CCSER1: variants seen among roughly 807,000 people sequenced by gnomAD.
The protein encoded by CCSER1 is coiled-coil serine rich protein 1, also known as serine-rich coiled-coil domain-containing protein 1.
A neutral mutation model predicts 82.0 loss-of-function variants in CCSER1; 41 were observed. The ratio of observed to expected loss-of-function variants is 0.50; its 90% confidence interval spans 0.39 to 0.65. CCSER1 has a LOEUF of 0.65. Among genes scored for constraint, CCSER1 ranks in the 30% least tolerant of loss-of-function variants. CCSER1 has a pLI of 0.00. For missense variants in CCSER1, 1,119 were observed against 1,064.2 expected (o/e 1.05, Z -0.72); for synonymous variants, 414 against 383.9 (o/e 1.08, Z -0.92).
In CCSER1 at chr4:90,932,982, G is replaced by GAAAGAAAGAA. The variant is rs771267852; in HGVS notation, c.2172+9536_2172+9537insAAGAAAGAAA. Among the ~76,000 whole-genome samples the GAAAGAAAGAA allele has an allele frequency of 3.7e-4, 7 of 18,866 alleles. No homozygotes were observed. The East Asian group carries it at 5.5e-3, about 15-fold the overall frequency. 12.4% of individuals were successfully genotyped at this position (18,866 alleles called of 152,430 possible). On this transcript the variant is annotated intron_variant, in intron 9 of 10. Transcript: ENST00000509176. ...AGAAAGAAAGAAAGAAAGAAAGAAA[G>GAAAGAAAGAA]AGAAAGAAAGAAAGAAAGAAAGAAA...
At chr4:90,561,954 G>C (rs908629790) in intron 5 of CCSER1, among the ~76,000 whole-genome samples, 1 of 152,060 alleles carries the variant, frequency 6.6e-6, no homozygotes, top group African/African-American at 2.4e-5. Context: ...TTGGGAGGCT[G>C]AAGCGGGAAG....
At chr4:90,613,177 A>G (rs181455248) in intron 5 of CCSER1, among the ~76,000 whole-genome samples, 141 of 152,178 alleles carry the variant, frequency 9.3e-4, no homozygotes, top group African/African-American at 3.1e-3. Context: ...TGCTCACTTC[A>G]TGAAAAAAAG....
intron 3 of CCSER1, among the ~76,000 whole-genome samples, chr4:90,397,124 A>G (rs943564793): frequency 6.6e-6 from 1 of 152,232 alleles, no homozygotes; most frequent in African/African-American, 2.4e-5. Context: ...CCTCTACAGT[A>G]ACAAGAAAGT....
At chr4:91,239,378 A>G (rs1260545378) in intron 10 of CCSER1, among the ~76,000 whole-genome samples, 4 of 12,920 alleles carry the variant, frequency 3.1e-4, no homozygotes, top group Non-Finnish European at 6.6e-4. Flanking sequence ...CCACATTTGC[A>G]CATGTCATAT....
At chr4:90,837,317 AT>A (rs1161327059) in intron 8 of CCSER1, among the ~76,000 whole-genome samples, 1 of 151,994 alleles carries the variant, frequency 6.6e-6, no homozygotes, top group Non-Finnish European at 1.5e-5. Context: ...AAAGACTGAA[AT>A]TTTTTTTGAG....
intron 5 of CCSER1, among the ~76,000 whole-genome samples, chr4:90,577,238 C>T (rs548377097): frequency 6.6e-6 from 1 of 152,148 alleles, no homozygotes; most frequent in South Asian, 2.1e-4. Context: ...TACTTTTCTT[C>T]TCTTCTGCTA....
chr4:90,149,553 A>G (rs1726423295), intron 1 of CCSER1, among the ~76,000 whole-genome samples: 1 of 152,186 alleles, frequency 6.6e-6, no homozygotes, highest in African/African-American at 2.4e-5. Flanking sequence ...ACATTCAGTT[A>G]TACTTAAAAA....
chr4:90,605,372 A>T (rs895017532), intron 5 of CCSER1, among the ~76,000 whole-genome samples: 1 of 152,214 alleles, frequency 6.6e-6, no homozygotes, highest in Admixed American at 6.5e-5. Flanking sequence ...TATGTTTACA[A>T]GATGTTATAA....
rs377408919 is a variant in CCSER1 at position 91,575,087 on chromosome 4, AAAGAAAACC to A, written c.2218-23479_2218-23471del. ...TATATAGGGTCAACTAATCTTCAAC[AAAGAAAACC>A]AAGAATACACAATGAGGAAAGGACA... On this transcript the variant is annotated intron_variant, in intron 10 of 10. Coordinates refer to ENST00000509176, the MANE Select transcript of CCSER1 (RefSeq NM_001145065.2). 2.7e-3 allele frequency among the ~76,000 whole-genome samples: 411 copies of A among 152,112 alleles called. 1 individual carries two copies. Among genetic ancestry groups the A allele is most frequent in the African/African-American group, 9.5e-3 (393 of 41,558 alleles).
intron 9 of CCSER1, among the ~76,000 whole-genome samples, chr4:90,926,307 T>C (rs1279066077): frequency 6.6e-6 from 1 of 152,012 alleles, no homozygotes; most frequent in African/African-American, 2.4e-5. Flanking sequence ...TATGGATGTT[T>C]CTTATACTCT....
At chr4:90,876,915 G>C (rs1013710093) in intron 8 of CCSER1, among the ~76,000 whole-genome samples, 2 of 151,966 alleles carry the variant, frequency 1.3e-5, no homozygotes, top group African/African-American at 4.8e-5. Flanking sequence ...ATTTTAACAG[G>C]CAAAATATAA....
intron 10 of CCSER1, among the ~76,000 whole-genome samples, chr4:91,515,713 TA>T (rs1290926765): frequency 6.6e-6 from 1 of 152,188 alleles, no homozygotes; most frequent in Non-Finnish European, 1.5e-5. Context: ...TTTGGATATA[TA>T]CCCACTAATG....
In CCSER1 at chr4:91,319,560, TGAAA is replaced by T. The variant is rs768727277; in HGVS notation, c.2217+233570_2217+233573del. 8 of 422,188 alleles carry T rather than the reference TGAAA, an allele frequency of 1.9e-5. 1 individual carries two copies. Among genetic ancestry groups the T allele is most frequent in the South Asian group, 1.4e-4 (8 of 58,676 alleles). The allele number at this position is 422,188 out of a possible 1,614,324, so 26.2% of individuals were successfully genotyped here. ...AAATATATGAAAAATTGCTATCCTG[TGAAA>T]GAAGTAAAGAATAAGTGTCACAAAG... On this transcript the variant is annotated intron_variant, in intron 10 of 10. Coordinates refer to ENST00000509176, the MANE Select transcript of CCSER1 (RefSeq NM_001145065.2).
intron 10 of CCSER1, among the ~76,000 whole-genome samples, chr4:91,371,932 C>A (rs916089542): frequency 3.3e-5 from 5 of 152,134 alleles, no homozygotes; most frequent in Admixed American, 6.6e-5. Context: ...AAGATCAGAA[C>A]AGACTTTACA....
At chr4:90,807,453 T>C (rs1757666771) in intron 7 of CCSER1, among the ~76,000 whole-genome samples, 1 of 152,072 alleles carries the variant, frequency 6.6e-6, no homozygotes, top group Non-Finnish European at 1.5e-5. Flanking sequence ...TGAAAAGATA[T>C]ATTAATAAAT....
intron 8 of CCSER1, among the ~76,000 whole-genome samples, chr4:90,888,606 T>C (rs1172588979): frequency 6.6e-6 from 1 of 152,182 alleles, no homozygotes; most frequent in Non-Finnish European, 1.5e-5. Flanking sequence ...TTTTAACTAA[T>C]TAAATGGGAA....
rs1475675990 is a variant in CCSER1 at position 90,461,088 on chromosome 4, C to T, written c.1604-7146C>T. On this transcript the variant is annotated intron_variant, in intron 4 of 10. Coordinates refer to ENST00000509176, the MANE Select transcript of CCSER1 (RefSeq NM_001145065.2). ...TTTTTTTTTTTTTTTTTTTTTGAGA[C>T]GGAGTCTCGCTCTGTCGCCCAGGCT... Among the ~76,000 whole-genome samples, 47 of 70,940 alleles carry T rather than the reference C, an allele frequency of 6.6e-4. 3 individuals carry two copies. Among genetic ancestry groups the T allele is most frequent in the African/African-American group, 3.6e-3 (44 of 12,082 alleles). The allele number at this position is 70,940 out of a possible 152,430, so 46.5% of individuals were successfully genotyped here.
chr4:91,260,239 A>C (rs1740998913), intron 10 of CCSER1, among the ~76,000 whole-genome samples: 1 of 152,206 alleles, frequency 6.6e-6, no homozygotes, highest in Non-Finnish European at 1.5e-5. Flanking sequence ...GCTGAGGAGA[A>C]AAAGAAGACA....
chr4:91,482,733 G>A (rs1161582716), intron 10 of CCSER1, among the ~76,000 whole-genome samples: 1 of 152,130 alleles, frequency 6.6e-6, no homozygotes, highest in Non-Finnish European at 1.5e-5. Context: ...AGAAAATGTG[G>A]CACATATACA....
Sources: gnomAD v4.1 joint callset for allele counts (sites outside exome capture counted in the v4.1 genomes callset) on GRCh38, gnomAD v4.1.1 for gene constraint, MANE v1.5 for transcripts, NCBI Gene and HGNC (gene_info 2026-07-23, HGNC 2026-07-21) for gene names.